Variants in PHF24 observed in about 807,000 individuals in gnomAD.
PHF24 encodes the protein PHD finger protein 24, also known as Galpha inhibitory interacting protein.
Under a neutral mutation model 42.6 loss-of-function variants are expected in PHF24, and 25 were observed. That is an observed-to-expected ratio of 0.59 (90% confidence interval 0.43 to 0.82). The LOEUF is 0.82. PHF24 is among the 40% of genes least tolerant of loss of function. The probability of loss-of-function intolerance (pLI) is 0.00; values close to 1 mark genes in which losing one functional copy is unlikely to be tolerated. For missense variants in PHF24, 470 were observed against 538.1 expected, an observed-to-expected ratio of 0.87 and a Z score of 1.25; for synonymous variants, 185 against 204.8, an observed-to-expected ratio of 0.90 and a Z score of 0.83.
chr9:34,717,366 A>G, the PHF24 span, among the ~76,000 whole-genome samples: 2 of 151,958 alleles, frequency 1.3e-5, no homozygotes, highest in African/African-American at 2.4e-5. Context: ...CTGGTTCTTC[A>G]TGGTTTCCCG....
chr9:34,974,551 T>G (rs2132919966), intron 3 of PHF24, among the ~76,000 whole-genome samples: 1 of 152,262 alleles, frequency 6.6e-6, no homozygotes, highest in Non-Finnish European at 1.5e-5. Context: ...CTACTGATGC[T>G]CTTCCAGCCT....
the PHF24 span, among the ~76,000 whole-genome samples, chr9:34,899,730 G>A: frequency 4.6e-5 from 7 of 152,154 alleles, no homozygotes; most frequent in Non-Finnish European, 1.0e-4. Flanking sequence ...ACAGTAGATG[G>A]CAGCCAGAGA....
chr9:34,676,748 C>A, the PHF24 span, among the ~76,000 whole-genome samples: 1 of 152,204 alleles, frequency 6.6e-6, no homozygotes, highest in African/African-American at 2.4e-5. Flanking sequence ...GAGGAGGACT[C>A]AGGAAGCTTA....
At chr9:34,701,593 C>T in the PHF24 span, among the ~76,000 whole-genome samples, 1 of 152,146 alleles carries the variant, frequency 6.6e-6, no homozygotes, top group South Asian at 2.1e-4. This position sits in a 1 kb window ranked among gnomAD's most constrained non-coding sequence, Gnocchi z 5.8. Context: ...CTGGAACAGC[C>T]TCTGGCGCCC....
chr9:34,859,683 T>G, the PHF24 span, among the ~76,000 whole-genome samples: 4 of 152,222 alleles, frequency 2.6e-5, no homozygotes, highest in Non-Finnish European at 5.9e-5. Context: ...GGAAATAGTT[T>G]GATTTTTTCA....
chr9:34,913,001 A>G, the PHF24 span, among the ~76,000 whole-genome samples: 1 of 152,178 alleles, frequency 6.6e-6, no homozygotes, highest in East Asian at 1.9e-4. Flanking sequence ...AAATTATAAA[A>G]AGGAACCTAT....
At chr9:34,756,861 T>G in the PHF24 span, among the ~76,000 whole-genome samples, 1 of 152,066 alleles carries the variant, frequency 6.6e-6, no homozygotes, top group Non-Finnish European at 1.5e-5. Context: ...AATGTCTTCT[T>G]ATTTGCTTTT....
chr9:34,828,482 C>G, the PHF24 span, among the ~76,000 whole-genome samples: 1 of 152,166 alleles, frequency 6.6e-6, no homozygotes, highest in Non-Finnish European at 1.5e-5. Context: ...TCTGCTATTT[C>G]CTCATTTTTC....
chr9:34,957,606 C>A (rs142601351), upstream of PHF24: 4 of 152,368 alleles, frequency 2.6e-5, no homozygotes, highest in African/African-American at 7.2e-5. Flanking sequence ...AACCAATAAT[C>A]CCAGAAAACA....
the PHF24 span, among the ~76,000 whole-genome samples, chr9:34,791,561 T>C: frequency 6.8e-6 from 1 of 146,100 alleles, no homozygotes; most frequent in Non-Finnish European, 1.5e-5. Context: ...GATCAGATCT[T>C]GTAGGGTGTG....
chr9:34,835,652 G>T, the PHF24 span: 9 of 1,551,424 alleles, frequency 5.8e-6, no homozygotes, highest in Admixed American at 1.8e-4. Flanking sequence ...ATGGTGTTTG[G>T]GCCCCGGAGC....
At chr9:34,931,219 A>G in the PHF24 span, among the ~76,000 whole-genome samples, 1 of 151,922 alleles carries the variant, frequency 6.6e-6, no homozygotes, top group African/African-American at 2.4e-5. Context: ...TACTAAAAAT[A>G]CAAAAAATTA....
chr9:34,971,788 C>G (rs1487152833), intron 2 of PHF24, 112 bp downstream of exon 2: 5 of 1,241,032 alleles, frequency 4.0e-6, no homozygotes, highest in Non-Finnish European at 5.5e-6. Flanking sequence ...GAGCTGAGTC[C>G]AAAAAAATCT....
the PHF24 span, among the ~76,000 whole-genome samples, chr9:34,875,906 T>TCACA: frequency 1.0e-5 from 1 of 97,822 alleles, no homozygotes; most frequent in African/African-American, 4.1e-5. Context: ...TCTCTCTCTC[T>TCACA]TACACACACA....
the PHF24 span, among the ~76,000 whole-genome samples, chr9:34,818,687 C>G: frequency 6.6e-6 from 1 of 152,148 alleles, no homozygotes; most frequent in Non-Finnish European, 1.5e-5. Context: ...TGCCCAGGCA[C>G]ACTGGCTCAT....
chr9:34,870,155 T>A, the PHF24 span, among the ~76,000 whole-genome samples: 1 of 152,052 alleles, frequency 6.6e-6, no homozygotes. Context: ...TTCCCCACTA[T>A]CAACATCCTG....
chr9:34,782,168 A>G, the PHF24 span, among the ~76,000 whole-genome samples: 2 of 152,180 alleles, frequency 1.3e-5, no homozygotes, highest in Admixed American at 6.5e-5. Context: ...TGCTCAGTGG[A>G]TAATTATTAG....
the PHF24 span, among the ~76,000 whole-genome samples, chr9:34,695,117 C>G: frequency 2.6e-5 from 4 of 152,188 alleles, no homozygotes; most frequent in African/African-American, 9.7e-5. Flanking sequence ...TTGGAACATT[C>G]TCTAACATTC....
the PHF24 span, among the ~76,000 whole-genome samples, chr9:34,872,039 C>G: frequency 2.6e-5 from 4 of 152,132 alleles, no homozygotes; most frequent in South Asian, 8.3e-4. Context: ...TTATTTAGTT[C>G]TTCCTTGATA....
Sources: allele counts gnomAD v4.1 joint callset (sites outside exome capture counted in the v4.1 genomes callset), GRCh38; gene constraint gnomAD v4.1.1; non-coding constraint Gnocchi (gnomAD v3.1); transcripts MANE v1.5; gene names NCBI Gene and HGNC (gene_info 2026-07-23, HGNC 2026-07-21).